TRAF3IP1: variants seen among roughly 807,000 people sequenced by gnomAD.
The protein encoded by TRAF3IP1 is TRAF3-interacting protein 1.
A neutral mutation model predicts 89.9 loss-of-function variants in TRAF3IP1; 53 were observed. The ratio of observed to expected loss-of-function variants is 0.59; its 90% CI spans 0.47 to 0.74. The LOEUF (loss-of-function observed/expected upper bound fraction) is 0.74, where lower values mean the gene tolerates loss of function less well. Ranked by LOEUF, TRAF3IP1 falls within the 30% of genes least tolerant of loss-of-function variation. The pLI, the probability that TRAF3IP1 is intolerant of heterozygous loss-of-function variation, is 0.00. For missense variants in TRAF3IP1, 806 were observed against 866.1 expected (o/e 0.93, Z 0.87); for synonymous variants, 311 against 322.1 (o/e 0.97, Z 0.37).
chr2:238,352,743 T>C, intron 12 of TRAF3IP1, 84 bp from the exon 13 acceptor site: 1 of 1,371,628 alleles, frequency 7.3e-7, no homozygotes, highest in Non-Finnish European at 9.9e-7. Flanking sequence ...TAGATTCCTC[T>C]CTGCCGACCT....
intron 7 of TRAF3IP1, 143 bp from the exon 8 acceptor site, chr2:238,338,219 G>A (rs1698476388): frequency 1.9e-6 from 1 of 517,274 alleles, no homozygotes; most frequent in South Asian, 3.3e-5. Flanking sequence ...GGAATCATGT[G>A]GAGGCTGAGA....
chr2:238,373,243 T>C (rs1056526289), intron 15 of TRAF3IP1, among the ~76,000 whole-genome samples: 11 of 152,234 alleles, frequency 7.2e-5, no homozygotes, highest in African/African-American at 2.7e-4. Flanking sequence ...CTAGGTTTTC[T>C]TCTAGGGTTT....
In TRAF3IP1 at chr2:238,394,561, T is replaced by G. The variant is rs371425585; in HGVS notation, c.1690-2898T>G. Among the ~76,000 whole-genome samples, 6 of 152,374 alleles carry G rather than the reference T, an allele frequency of 3.9e-5. No homozygotes were observed. In the East Asian group the frequency reaches 5.8e-4, roughly 15 times the overall value. On this transcript the variant is annotated intron_variant, in intron 15 of 16. Coordinates refer to ENST00000373327, the MANE Select transcript of TRAF3IP1 (RefSeq NM_015650.4). ...TATTGAACAATTGTCAATGGCATTG[T>G]ATTTTTAATTGCAGTGTCCATGTTT...
chr2:238,378,105 T>C (rs1700397495), intron 15 of TRAF3IP1, among the ~76,000 whole-genome samples: 1 of 152,124 alleles, frequency 6.6e-6, no homozygotes, highest in South Asian at 2.1e-4. Flanking sequence ...TTCCAGAAAT[T>C]TGTCTGTCTG....
chr2:238,369,934 C>T (rs1700036692), intron 15 of TRAF3IP1, among the ~76,000 whole-genome samples: 1 of 152,172 alleles, frequency 6.6e-6, no homozygotes, highest in Non-Finnish European at 1.5e-5. Flanking sequence ...CTCTGGAGAG[C>T]TCCTTCAAGC....
intron 5 of TRAF3IP1, among the ~76,000 whole-genome samples, chr2:238,331,531 C>CA (rs1698124542): frequency 1.3e-5 from 2 of 152,184 alleles, no homozygotes; most frequent in South Asian, 4.1e-4. Flanking sequence ...GGGAACATAT[C>CA]AGAGCCAAGT....
chr2:238,329,028 A>G lies in TRAF3IP1; in HGVS notation c.601A>G (p.Lys201Glu), dbSNP rs2106363912. 1 of 1,551,874 alleles carries G rather than the reference A, an allele frequency of 6.4e-7. No individual in the cohort carries two copies. The change falls in exon 5 of 17, where the codon AAG becomes GAG. Residue 201 changes from lysine (K) to glutamate (E), a missense_variant. Around this residue, in one of 3 missense-constraint regions of TRAF3IP1, gnomAD observed 732 missense variants for 780.5 expected, o/e 0.94. Coordinates refer to ENST00000373327, the MANE Select transcript of TRAF3IP1 (RefSeq NM_015650.4). ...CAAGCCAAGAGAAAAGGACAAGGAC[A>G]AGGAGAAGGCCAAGGAGAATGGCGG... ...DRKPREKDKDKEKAKENGGNR... is the reference protein window; with the variant it reads ...DRKPREKDKDEEKAKENGGNR...
intron 8 of TRAF3IP1, among the ~76,000 whole-genome samples, chr2:238,343,070 T>C (rs936463905): frequency 6.6e-6 from 1 of 151,636 alleles, no homozygotes; most frequent in Non-Finnish European, 1.5e-5. Flanking sequence ...CCTATTCCTC[T>C]AGCCCCTCAT....
chr2:238,349,455 C>T (rs1421799767), intron 12 of TRAF3IP1, 47 bp downstream of exon 12: 1 of 1,578,908 alleles, frequency 6.3e-7, no homozygotes, highest in Non-Finnish European at 8.7e-7. Context: ...GTGTGTTCTC[C>T]AGTGGGCATG....
chr2:238,331,393 T>G (rs1698117019), intron 5 of TRAF3IP1, among the ~76,000 whole-genome samples: 1 of 151,824 alleles, frequency 6.6e-6, no homozygotes, highest in African/African-American at 2.4e-5. Flanking sequence ...AGGAGAATCG[T>G]TTGAACTCGG....
At chr2:238,342,188 C>T (rs1315179173) in intron 8 of TRAF3IP1, among the ~76,000 whole-genome samples, 2 of 152,062 alleles carry the variant, frequency 1.3e-5, no homozygotes, top group Non-Finnish European at 2.9e-5. Context: ...GGGGTTTCAC[C>T]ATGTTGGCCA....
At chr2:238,349,584 T>C (rs1030823013) in intron 12 of TRAF3IP1, among the ~76,000 whole-genome samples, 176 bp downstream of exon 12, 1 of 152,124 alleles carries the variant, frequency 6.6e-6, no homozygotes, top group African/African-American at 2.4e-5. Context: ...ACATGTCAGA[T>C]GGATGAAAGA....
intron 8 of TRAF3IP1, among the ~76,000 whole-genome samples, chr2:238,340,833 GTATA>G (rs1553612058): frequency 8.2e-4 from 58 of 70,944 alleles, no homozygotes; most frequent in African/African-American, 2.3e-3. Context: ...GTGTGTGTGT[GTATA>G]TATATATATA....
intron 6 of TRAF3IP1, 64 bp from the exon 7 acceptor site, chr2:238,333,896 A>C: frequency 7.4e-7 from 1 of 1,342,598 alleles, no homozygotes; most frequent in Admixed American, 2.2e-5. Context: ...TTGAAAAATA[A>C]ACCTGCTTAT....
At chr2:238,325,998 C>T in intron 3 of TRAF3IP1, 28 bp downstream of exon 3, 3 of 1,598,288 alleles carry the variant, frequency 1.9e-6, no homozygotes. Flanking sequence ...GCATTTTGAA[C>T]TTACTTAGTA....
Position 238,351,722 on chromosome 2 carries a change from G to C in TRAF3IP1, c.1452-1105G>C, listed in dbSNP as rs182956768. Among the ~76,000 whole-genome samples the C allele has an allele frequency of 7.9e-5, 12 of 152,308 alleles. No individual in the cohort carries two copies. The East Asian group carries it at 2.3e-3, about 29-fold the overall frequency. On this transcript the variant is annotated intron_variant, in intron 12 of 16. Coordinates refer to ENST00000373327, the MANE Select transcript of TRAF3IP1 (RefSeq NM_015650.4). The surrounding 1 kb of genome is among the most constrained non-coding windows in gnomAD (Gnocchi z 5.2). Reference sequence around the variant, plus strand: ...GGTTGTTGAGTGTCTCAAGGACCCAGTTGAGGAAGTCGAGGATGTTTGGGG... The same window carrying C: ...GGTTGTTGAGTGTCTCAAGGACCCACTTGAGGAAGTCGAGGATGTTTGGGG...
At chr2:238,341,520 T>C (rs1210422870) in intron 8 of TRAF3IP1, among the ~76,000 whole-genome samples, 1 of 149,916 alleles carries the variant, frequency 6.7e-6, no homozygotes, top group African/African-American at 2.5e-5. Flanking sequence ...GTCCCAGAAA[T>C]GTTTTTCTAT....
At chr2:238,332,083 C>T (rs773128158) in intron 5 of TRAF3IP1, among the ~76,000 whole-genome samples, 6 of 152,184 alleles carry the variant, frequency 3.9e-5, no homozygotes, top group Admixed American at 6.5e-5. Context: ...ATGGGTAGCA[C>T]GTGTGCAGTG....
At chr2:238,341,951 CT>C (rs950237302) in intron 8 of TRAF3IP1, among the ~76,000 whole-genome samples, 67 of 145,918 alleles carry the variant, frequency 4.6e-4, no homozygotes, top group African/African-American at 9.2e-4. Flanking sequence ...TGCTGTGACT[CT>C]TTTTTTTTTA....
Sources: gnomAD v4.1 joint callset for allele counts (sites outside exome capture counted in the v4.1 genomes callset) on GRCh38, gnomAD v4.1.1 for gene constraint, gnomAD v4.1.1 regional missense constraint, Gnocchi (gnomAD v3.1) non-coding constraint, MANE v1.5 for transcripts, NCBI Gene and HGNC (gene_info 2026-07-23, HGNC 2026-07-21) for gene names.